ARHGAP24: variants seen among roughly 807,000 people sequenced by gnomAD.
ARHGAP24 encodes the protein rho GTPase-activating protein 24.
A neutral mutation model predicts 76.4 loss-of-function variants in ARHGAP24; 50 were observed. The ratio of observed to expected loss-of-function variants is 0.65; its 90% CI spans 0.52 to 0.83. ARHGAP24 has a LOEUF of 0.83. ARHGAP24 is among the 40% of genes least tolerant of loss of function. ARHGAP24 has a pLI of 0.00. For synonymous variants in ARHGAP24, 345 were observed against 323.3 expected (o/e 1.07, Z -0.72); for missense variants, 930 against 914.2 (o/e 1.02, Z -0.22).
chr4:85,582,651 C>T (rs1240091044), intron 2 of ARHGAP24, among the ~76,000 whole-genome samples: 3 of 151,884 alleles, frequency 2.0e-5, no homozygotes, highest in Non-Finnish European at 4.4e-5. Context: ...ATGTCAATAT[C>T]CAAAAAGTGT....
At chr4:85,766,718 C>G (rs1726944513) in intron 3 of ARHGAP24, among the ~76,000 whole-genome samples, 1 of 152,098 alleles carries the variant, frequency 6.6e-6, no homozygotes, top group South Asian at 2.1e-4. Context: ...CCCTTTTATG[C>G]CAAGTGCTTC....
chr4:85,788,693 T>C (rs1196237872), intron 3 of ARHGAP24, among the ~76,000 whole-genome samples: 2 of 152,228 alleles, frequency 1.3e-5, no homozygotes, highest in Non-Finnish European at 2.9e-5. Context: ...ACCAGTGTTA[T>C]CTTAAGTGAC....
chr4:85,569,364 G>C (rs1726982401), intron 1 of ARHGAP24, among the ~76,000 whole-genome samples: 1 of 152,144 alleles, frequency 6.6e-6, no homozygotes, highest in Admixed American at 6.5e-5. Context: ...TAAATGTTTA[G>C]AAATAAACAT....
chr4:85,528,161 A>T (rs1054387279), intron 1 of ARHGAP24, among the ~76,000 whole-genome samples: 21 of 152,094 alleles, frequency 1.4e-4, no homozygotes, highest in African/African-American at 5.1e-4. Flanking sequence ...ACTGAAAGAA[A>T]GGACCAGTCC....
chr4:85,501,267 A>G (rs1199162596), intron 1 of ARHGAP24, among the ~76,000 whole-genome samples: 1 of 152,186 alleles, frequency 6.6e-6, no homozygotes, highest in Non-Finnish European at 1.5e-5. Context: ...GTCAAATGGT[A>G]TTTCTAGTTC....
At chr4:85,977,065 G>A (rs113197609) in intron 7 of ARHGAP24, among the ~76,000 whole-genome samples, 51 of 152,168 alleles carry the variant, frequency 3.4e-4, no homozygotes, top group African/African-American at 1.1e-3. Context: ...TGGGATTACA[G>A]GTGTGAGCCA....
intron 4 of ARHGAP24, among the ~76,000 whole-genome samples, chr4:85,935,805 C>T (rs373985628): frequency 2.0e-5 from 3 of 152,270 alleles, no homozygotes; most frequent in African/African-American, 7.2e-5. Context: ...TCCACTGGGT[C>T]GCTATGTACA....
chr4:85,750,469 ATG>A (rs1225706186), intron 3 of ARHGAP24, among the ~76,000 whole-genome samples: 1 of 132,164 alleles, frequency 7.6e-6, no homozygotes, highest in African/African-American at 2.9e-5. Context: ...GGGGATTAAC[ATG>A]ACTCTTTTCA....
chr4:85,768,305 G>A (rs537528641), intron 3 of ARHGAP24, among the ~76,000 whole-genome samples: 2 of 152,166 alleles, frequency 1.3e-5, no homozygotes, highest in Non-Finnish European at 2.9e-5. Context: ...GCTGTGCATT[G>A]TATAAGGACT....
intron 3 of ARHGAP24, among the ~76,000 whole-genome samples, chr4:85,786,479 A>G (rs1263148586): frequency 2.0e-5 from 3 of 152,222 alleles, no homozygotes; most frequent in South Asian, 2.1e-4. Flanking sequence ...AGTGGCATAC[A>G]TAACAAATAA....
At chr4:85,997,931 A>G (rs1740782636) in intron 9 of ARHGAP24, among the ~76,000 whole-genome samples, 1 of 152,192 alleles carries the variant, frequency 6.6e-6, no homozygotes, top group Non-Finnish European at 1.5e-5. Context: ...TGCTGGGGTT[A>G]CAGGCATAAG....
At chr4:85,931,689 A>G (rs1322110318) in intron 4 of ARHGAP24, among the ~76,000 whole-genome samples, 1 of 152,174 alleles carries the variant, frequency 6.6e-6, no homozygotes, top group Non-Finnish European at 1.5e-5. Flanking sequence ...AGAAACTAAG[A>G]CATTTCTGAA....
intron 2 of ARHGAP24, among the ~76,000 whole-genome samples, chr4:85,643,923 T>G (rs1323987045): frequency 6.6e-6 from 1 of 152,196 alleles, no homozygotes; most frequent in Non-Finnish European, 1.5e-5. Flanking sequence ...TTTAATTATC[T>G]TTAATTGTGT....
intron 3 of ARHGAP24, among the ~76,000 whole-genome samples, chr4:85,756,500 C>A (rs1216951182): frequency 6.6e-6 from 1 of 152,020 alleles, no homozygotes; most frequent in Non-Finnish European, 1.5e-5. Flanking sequence ...TTCTTCATTT[C>A]CAAAAAGTAT....
intron 2 of ARHGAP24, among the ~76,000 whole-genome samples, chr4:85,571,422 G>A (rs1346987586): frequency 6.6e-6 from 1 of 152,168 alleles, no homozygotes; most frequent in Non-Finnish European, 1.5e-5. Context: ...TGATGAGAGG[G>A]TATGCAAACT....
At chr4:85,879,838 T>A (rs1733142794) in intron 3 of ARHGAP24, among the ~76,000 whole-genome samples, 1 of 152,070 alleles carries the variant, frequency 6.6e-6, no homozygotes, top group Non-Finnish European at 1.5e-5. Context: ...TGGAAGACAG[T>A]TTTTTCATAG....
chr4:85,550,556 A>G (rs985420135), intron 1 of ARHGAP24, among the ~76,000 whole-genome samples: 17 of 152,142 alleles, frequency 1.1e-4, no homozygotes, highest in Non-Finnish European at 2.5e-4. Flanking sequence ...TTGAATTTTA[A>G]AAGTCTTTTT....
chr4:85,564,372 A>C (rs1726723124), intron 1 of ARHGAP24, among the ~76,000 whole-genome samples: 1 of 148,196 alleles, frequency 6.7e-6, no homozygotes, highest in Non-Finnish European at 1.5e-5. Flanking sequence ...GAAGGGGAAC[A>C]TCACACACCG....
chr4:85,839,004 T>C (rs958294311), intron 3 of ARHGAP24, among the ~76,000 whole-genome samples: 6 of 152,260 alleles, frequency 3.9e-5, no homozygotes, highest in African/African-American at 1.4e-4. Flanking sequence ...TGAGCATTGT[T>C]CATGGCATTT....
Sources: allele counts gnomAD v4.1 joint callset (sites outside exome capture counted in the v4.1 genomes callset), GRCh38; gene constraint gnomAD v4.1.1; transcripts MANE v1.5; gene names NCBI Gene and HGNC (gene_info 2026-07-23, HGNC 2026-07-21).